Variants in DIXDC1 observed in about 807,000 individuals in gnomAD.
DIXDC1 encodes the protein dixin.
A neutral mutation model predicts 103.1 loss-of-function variants in DIXDC1; 64 were observed. The observed-to-expected ratio is 0.62, with a 90% CI of 0.51 to 0.76. DIXDC1 has a LOEUF of 0.76. Ranked by LOEUF, DIXDC1 falls within the 30% of genes least tolerant of loss-of-function variation. The pLI, the probability that DIXDC1 is intolerant of heterozygous loss-of-function variation, is 0.00. For missense variants in DIXDC1, 759 were observed against 834.2 expected, an observed-to-expected ratio of 0.91 and a Z score of 1.11; for synonymous variants, 266 against 298.5, an observed-to-expected ratio of 0.89 and a Z score of 1.12.
rs1271660371 is a variant in DIXDC1 at position 112,019,931 on chromosome 11, A to C, written c.*895A>C. ...CTTTAACTCATGGCATCTCCTTTGTAGTAAAAGGAGACAGACCATTAATTT... is the reference window on the plus strand; with the variant it reads ...CTTTAACTCATGGCATCTCCTTTGTCGTAAAAGGAGACAGACCATTAATTT... On this transcript the variant is annotated 3_prime_UTR_variant, in exon 20 of 20. Transcript: ENST00000440460. The C allele has an allele frequency of 6.6e-6, 1 of 152,144 alleles. No individual in the cohort carries two copies. The highest frequency in any genetic ancestry group is 2.4e-5 in the African/African-American group (1 of 41,422). 9.4% of individuals were successfully genotyped at this position (152,144 alleles called of 1,614,324 possible). A position where few individuals can be genotyped will look rare whatever the true frequency, so the allele number is the denominator to read the frequency against.
At position 111,941,358 on chromosome 11, in the gene DIXDC1, G is replaced by A. The variant is rs587674258; in HGVS notation, c.60+3799G>A. On this transcript the variant is annotated intron_variant, in intron 1 of 19. Coordinates refer to ENST00000440460, the MANE Select transcript of DIXDC1 (RefSeq NM_001037954.4). ...GTGCATGGCCTGGGGGCTGAAAGTT[G>A]GGGGAATGGTTTATGAAAATGATGG... Among the ~76,000 whole-genome samples, 6 of 152,244 alleles carry A rather than the reference G, an allele frequency of 3.9e-5. No individual in the cohort carries two copies. The South Asian group carries it at 8.3e-4, about 21-fold the overall frequency.
chr11:111,943,363 C>T (rs896154573), intron 1 of DIXDC1, among the ~76,000 whole-genome samples: 3 of 151,954 alleles, frequency 2.0e-5, no homozygotes, highest in Admixed American at 1.3e-4. Context: ...AGGCTGGTCT[C>T]GAGCTCCTGA....
intron 5 of DIXDC1, chr11:111,975,853 AG>A (rs1453076609): frequency 1.0e-6 from 1 of 984,520 alleles, no homozygotes; most frequent in Non-Finnish European, 1.2e-6. Flanking sequence ...TAATTTATTG[AG>A]GTCATATGGA....
At chr11:111,960,831 C>G (rs1041009386) in intron 1 of DIXDC1, among the ~76,000 whole-genome samples, 11 of 152,060 alleles carry the variant, frequency 7.2e-5, no homozygotes, top group African/African-American at 2.7e-4. Context: ...CTGGGAACCC[C>G]TTGGTTAAGG....
intron 1 of DIXDC1, among the ~76,000 whole-genome samples, chr11:111,959,352 C>A (rs1033304757): frequency 6.6e-6 from 1 of 152,190 alleles, no homozygotes; most frequent in Non-Finnish European, 1.5e-5. Context: ...AGCTTCCAGG[C>A]GCCACCACAT....
At chr11:112,005,038 C>T (rs1437000493) in intron 17 of DIXDC1, among the ~76,000 whole-genome samples, 10 of 152,156 alleles carry the variant, frequency 6.6e-5, no homozygotes, top group African/African-American at 2.4e-4. Context: ...CAGAATCAAA[C>T]TCATATATGA....
intron 2 of DIXDC1, among the ~76,000 whole-genome samples, chr11:111,931,850 T>C (rs1555167695): frequency 6.6e-6 from 1 of 152,028 alleles, no homozygotes; most frequent in African/African-American, 2.4e-5. Flanking sequence ...GAAAGATGAT[T>C]TGATGTTAGT....
chr11:111,955,833 CAAAAAAAAAAAAAAAAAA>C (rs781822030), intron 1 of DIXDC1, among the ~76,000 whole-genome samples: 5 of 17,660 alleles, frequency 2.8e-4, no homozygotes, highest in Non-Finnish European at 5.9e-4. Flanking sequence ...GACTCTAGCT[CAAAAAAAAAAAAAAAAAA>C]AAAAAAAAAA....
intron 1 of DIXDC1, chr11:111,945,915 T>C (rs4554921): frequency 0.11 from 16,127 of 147,682 alleles, 2,918 homozygotes; most frequent in African/African-American, 0.38. Context: ...ATTACAGGCA[T>C]ACACCACCAG....
At chr11:112,002,875 T>C (rs1196493473) in intron 17 of DIXDC1, among the ~76,000 whole-genome samples, 1 of 152,128 alleles carries the variant, frequency 6.6e-6, no homozygotes, top group African/African-American at 2.4e-5. Flanking sequence ...GAAAAAAATA[T>C]ATATATGCAA....
intron 3 of DIXDC1, among the ~76,000 whole-genome samples, chr11:111,973,038 GA>G (rs782128470): frequency 0.011 from 1,373 of 129,086 alleles, 10 homozygotes; most frequent in African/African-American, 0.022. Context: ...CAGCCTGGGG[GA>G]AAAAAAAAAA....
In DIXDC1 at chr11:111,977,953, C is replaced by T. The variant is rs1860172766; in HGVS notation, c.657-2784C>T. On this transcript the variant is annotated intron_variant, in intron 5 of 19. Coordinates refer to ENST00000440460, the MANE Select transcript of DIXDC1 (RefSeq NM_001037954.4). The surrounding 1 kb of genome is among the most constrained non-coding windows in gnomAD (Gnocchi z 6.1). Reference sequence around the variant, plus strand: ...GGTTATCACTATAAAATACGGTGGGCGTAGGAAGTGGAGCCAGCATGGGGG... The same window carrying T: ...GGTTATCACTATAAAATACGGTGGGTGTAGGAAGTGGAGCCAGCATGGGGG... 6.6e-6 allele frequency among the ~76,000 whole-genome samples: 1 copy of T among 151,516 alleles called. No individual in the cohort carries two copies. The highest frequency in any genetic ancestry group is 2.1e-4 in the South Asian group (1 of 4,782).
At chr11:111,947,671 A>G (rs1966644142) in intron 1 of DIXDC1, among the ~76,000 whole-genome samples, 1 of 152,258 alleles carries the variant, frequency 6.6e-6, no homozygotes. Context: ...GCAGCAGCCT[A>G]AAGAAGGATA....
chr11:111,943,300 C>T (rs1555169041), intron 1 of DIXDC1, among the ~76,000 whole-genome samples: 1 of 151,914 alleles, frequency 6.6e-6, no homozygotes, highest in African/African-American at 2.4e-5. Context: ...TGTGCTACCA[C>T]ACCCGGCTAA....
chr11:111,992,859 A>G (rs1185971860), intron 11 of DIXDC1, 92 bp from the exon 12 acceptor site: 1 of 1,297,396 alleles, frequency 7.7e-7, no homozygotes, highest in Non-Finnish European at 1.1e-6. Flanking sequence ...GCATACTGTA[A>G]CTGCCAACAT....
Position 111,977,777 on chromosome 11 carries a change from A to G in DIXDC1, c.656+2794A>G. 6.4e-7 allele frequency: 1 copy of G among 1,564,116 alleles called. No individual in the cohort carries two copies. The highest frequency in any genetic ancestry group is 8.7e-7 in the Non-Finnish European group (1 of 1,155,128). On this transcript the variant is annotated intron_variant, in intron 5 of 19. Transcript: ENST00000440460. This position sits in a 1 kb window ranked among gnomAD's most constrained non-coding sequence, Gnocchi z 6.1. ...CCCGAGACAGGAGGGGGACCATGGG[A>G]GGGACGCAAGTCAAATGGTGAGCTG...
chr11:111,995,026 A>G lies in DIXDC1; in HGVS notation c.1445A>G (p.Asn482Ser). ...CMKREADEAT[N>S]YNSHNSQSNG... ...TTCTTCATGCTGCTGTAGGCGACCAACTACAACAGTCACAACTCTCAAAGC... is the reference window on the plus strand; with the variant it reads ...TTCTTCATGCTGCTGTAGGCGACCAGCTACAACAGTCACAACTCTCAAAGC... Residue 482 changes from asparagine (N) to serine (S), a missense_variant, in exon 15 of 20, where the codon AAC (asparagine) becomes AGC (serine). This residue lies in a region of DIXDC1 where 657 missense variants were observed against 727.5 expected (regional missense o/e 0.90). Transcript: ENST00000440460. The G allele has an allele frequency of 6.2e-7, 1 of 1,613,574 alleles. No individual in the cohort carries two copies. Among genetic ancestry groups the G allele is most frequent in the Non-Finnish European group, 8.5e-7 (1 of 1,179,848 alleles).
chr11:111,981,330 C>A (rs1463685650), intron 6 of DIXDC1, among the ~76,000 whole-genome samples: 1 of 152,170 alleles, frequency 6.6e-6, no homozygotes, highest in Non-Finnish European at 1.5e-5. Flanking sequence ...GTTTAGACTT[C>A]CATACTCTGT....
chr11:112,016,580 C>A, intron 17 of DIXDC1, 111 bp from the exon 18 acceptor site: 1 of 810,586 alleles, frequency 1.2e-6, no homozygotes. Flanking sequence ...GGTGTGAGAG[C>A]TGTGGGCTGT....
Sources: gnomAD v4.1 joint callset for allele counts (sites outside exome capture counted in the v4.1 genomes callset) on GRCh38, gnomAD v4.1.1 for gene constraint, gnomAD v4.1.1 regional missense constraint, Gnocchi (gnomAD v3.1) non-coding constraint, MANE v1.5 for transcripts, NCBI Gene and HGNC (gene_info 2026-07-23, HGNC 2026-07-21) for gene names.